The following CDKL2 variants were observed in gnomAD, a reference collection of about 807,000 sequenced individuals.
CDKL2 encodes cyclin dependent kinase like 2.
A neutral mutation model predicts 63.9 loss-of-function variants in CDKL2; 64 were observed. The ratio of observed to expected loss-of-function variants is 1.00; its 90% confidence interval spans 0.82 to 1.23. The LOEUF (loss-of-function observed/expected upper bound fraction) is 1.23. Among genes scored for constraint, CDKL2 ranks in the 50% most tolerant of loss-of-function variants. The pLI, the probability that CDKL2 is intolerant of heterozygous loss-of-function variation, is 0.00. For missense variants in CDKL2, 656 were observed against 668.0 expected, an observed-to-expected ratio of 0.98 and a Z score of 0.20; for synonymous variants, 211 against 229.2, an observed-to-expected ratio of 0.92 and a Z score of 0.72.
At chr4:75,603,999 G>A in intron 5 of CDKL2, 43 bp from the exon 6 acceptor site, 5 of 1,555,444 alleles carry the variant, frequency 3.2e-6, no homozygotes, top group Non-Finnish European at 4.4e-6. Flanking sequence ...TATACAACAT[G>A]ATAGAAATGG....
chr4:75,600,152 AGAGTGGTAGATAT>A (rs1378725873), intron 7 of CDKL2, 116 bp downstream of exon 7: 1 of 602,844 alleles, frequency 1.7e-6, no homozygotes, highest in Non-Finnish European at 3.0e-6. Context: ...ATATGGGGGT[AGAGTGGTAGATAT>A]CTGAGATCCT....
At chr4:75,581,778 G>T in intron 13 of CDKL2, 32 bp downstream of exon 13, 1 of 1,256,410 alleles carries the variant, frequency 8.0e-7, no homozygotes, top group South Asian at 1.2e-5. Flanking sequence ...GTGAAAGGCT[G>T]CACAGCTTTA....
chr4:75,623,147 C>T (rs1264640987), intron 2 of CDKL2, among the ~76,000 whole-genome samples: 1 of 152,014 alleles, frequency 6.6e-6, no homozygotes, highest in Non-Finnish European at 1.5e-5. Flanking sequence ...AGCATGGTGG[C>T]ACACGCCTGT....
chr4:75,613,917 C>T (rs1366246490), intron 3 of CDKL2, among the ~76,000 whole-genome samples: 2 of 152,010 alleles, frequency 1.3e-5, no homozygotes, highest in Non-Finnish European at 1.5e-5. Flanking sequence ...ATTAGCCAGG[C>T]GTAGTGGTGC....
In CDKL2 at chr4:75,576,518, TATAG is replaced by T. The variant is rs1470716344; in HGVS notation, c.*2680_*2683del. ...ATGTGAGAACATAATTTTTTATTCA[TATAG>T]ATAGAGGAGTGTTAAGCACCCTCTT... On this transcript the variant is annotated 3_prime_UTR_variant, in exon 14 of 14. Coordinates refer to ENST00000307465, the MANE Select transcript of CDKL2 (RefSeq NM_001330724.2). Among the ~76,000 whole-genome samples, 4 of 152,238 alleles carry T rather than the reference TATAG, an allele frequency of 2.6e-5. No homozygotes were observed. Among genetic ancestry groups the T allele is most frequent in the Non-Finnish European group, 5.9e-5 (4 of 68,038 alleles).
intron 12 of CDKL2, among the ~76,000 whole-genome samples, chr4:75,587,916 A>AG (rs949007392): frequency 1.3e-5 from 2 of 149,346 alleles, no homozygotes; most frequent in Admixed American, 6.7e-5. Context: ...AAAAAAAAAA[A>AG]AAAGAAACTG....
At chr4:75,603,240 TC>T (rs1729277170) in intron 6 of CDKL2, among the ~76,000 whole-genome samples, 1 of 148,940 alleles carries the variant, frequency 6.7e-6, no homozygotes, top group Non-Finnish European at 1.5e-5. Flanking sequence ...GACCTCATGA[TC>T]CACCCGCCTC....
chr4:75,595,342 C>A (rs1728869499), intron 10 of CDKL2, among the ~76,000 whole-genome samples: 1 of 151,814 alleles, frequency 6.6e-6, no homozygotes, highest in African/African-American at 2.4e-5. Flanking sequence ...TCCCAAGTAG[C>A]TAGGACTACA....
intron 2 of CDKL2, among the ~76,000 whole-genome samples, chr4:75,617,097 GTCTA>G (rs1729960932): frequency 6.6e-6 from 1 of 152,032 alleles, no homozygotes; most frequent in Admixed American, 6.6e-5. Flanking sequence ...CTAGTTGGTA[GTCTA>G]GTCCATTTGG....
chr4:75,599,421 T>A (rs1434514907), intron 7 of CDKL2, among the ~76,000 whole-genome samples: 2 of 151,648 alleles, frequency 1.3e-5, no homozygotes, highest in African/African-American at 4.8e-5. Flanking sequence ...ATTAGCCAGT[T>A]GTGGTGGCAC....
intron 8 of CDKL2, among the ~76,000 whole-genome samples, chr4:75,597,628 T>C (rs1156824395): frequency 6.6e-6 from 1 of 152,226 alleles, no homozygotes; most frequent in Non-Finnish European, 1.5e-5. Context: ...GGATTTGAAT[T>C]ACCTTATCAA....
In CDKL2 at chr4:75,630,353, G is replaced by A. The variant is rs565586162; in HGVS notation, c.-341C>T. The A allele has an allele frequency of 6.5e-6, 1 of 152,892 alleles. No individual in the cohort carries two copies. The highest frequency in any genetic ancestry group is 2.1e-4 in the South Asian group (1 of 4,826). 9.5% of individuals were successfully genotyped at this position (152,892 alleles called of 1,614,324 possible). ...AGTCTTGGGAGACAGATACGGCCCA[G>A]GTCAGAATGCGTTCACGGCAGGCAC... is the stretch of plus-strand genomic sequence containing the variant. On this transcript the variant is annotated 5_prime_UTR_variant, in exon 1 of 14. Transcript: ENST00000307465.
intron 12 of CDKL2, among the ~76,000 whole-genome samples, chr4:75,582,748 C>T (rs1361470733): frequency 2.6e-5 from 4 of 151,858 alleles, no homozygotes; most frequent in Non-Finnish European, 5.9e-5. Flanking sequence ...CATATTTAAG[C>T]TAATGAAAAG....
At chr4:75,616,299 C>G (rs1400351692) in intron 2 of CDKL2, among the ~76,000 whole-genome samples, 1 of 150,030 alleles carries the variant, frequency 6.7e-6, no homozygotes, top group Non-Finnish European at 1.5e-5. Context: ...GAGTGAGACT[C>G]TCTTAAAAAA....
At chr4:75,599,009 G>A (rs1729059753) in intron 7 of CDKL2, among the ~76,000 whole-genome samples, 1 of 152,170 alleles carries the variant, frequency 6.6e-6, no homozygotes, top group South Asian at 2.1e-4. Flanking sequence ...TGTGAGCTTA[G>A]CAGCTTCCCA....
chr4:75,623,024 C>T (rs1730234893), intron 2 of CDKL2, among the ~76,000 whole-genome samples: 1 of 151,978 alleles, frequency 6.6e-6, no homozygotes, highest in Admixed American at 6.6e-5. Flanking sequence ...ACCTGTAATC[C>T]CAGCACTTTG....
intron 5 of CDKL2, 132 bp downstream of exon 5, chr4:75,605,390 C>T (rs1729378166): frequency 1.7e-6 from 1 of 587,452 alleles, no homozygotes; most frequent in Admixed American, 3.0e-5. Context: ...CAGAGTTTTC[C>T]TATATGCTCC....
At chr4:75,582,810 A>G (rs1728317528) in intron 12 of CDKL2, among the ~76,000 whole-genome samples, 1 of 152,190 alleles carries the variant, frequency 6.6e-6, no homozygotes, top group African/African-American at 2.4e-5. Context: ...GAAACATTAC[A>G]TATAGGGAAA....
intron 12 of CDKL2, among the ~76,000 whole-genome samples, chr4:75,586,392 A>C (rs561899357): frequency 6.6e-6 from 1 of 151,522 alleles, no homozygotes; most frequent in African/African-American, 2.4e-5. Flanking sequence ...CGCCCAGCTA[A>C]TTTTTTTGTA....
Sources: allele counts gnomAD v4.1 joint callset (sites outside exome capture counted in the v4.1 genomes callset), GRCh38; gene constraint gnomAD v4.1.1; transcripts MANE v1.5; gene names NCBI Gene and HGNC (gene_info 2026-07-23, HGNC 2026-07-21).